PARN: variants seen among roughly 807,000 people sequenced by gnomAD.
PARN encodes the protein poly(A)-specific ribonuclease, also known as poly(A)-specific ribonuclease PARN.
In PARN, 71 loss-of-function variants were observed where a neutral mutation model predicts 102.8. That is an observed-to-expected ratio of 0.69 (90% confidence interval 0.57 to 0.84). The LOEUF is 0.84. PARN is among the 40% of genes least tolerant of loss of function. The pLI is 0.00. For missense variants in PARN, 782 were observed against 760.9 expected, an observed-to-expected ratio of 1.03 and a Z score of -0.33; for synonymous variants, 261 against 252.9, an observed-to-expected ratio of 1.03 and a Z score of -0.30.
At chr16:14,584,298 C>G (rs1282802655) in intron 16 of PARN, 49 bp downstream of exon 16, 1 of 1,288,674 alleles carries the variant, frequency 7.8e-7, no homozygotes. Context: ...CAATATACAT[C>G]AATAATTATT....
At chr16:14,549,410 C>T (rs1266691345) in intron 21 of PARN, among the ~76,000 whole-genome samples, 1 of 152,090 alleles carries the variant, frequency 6.6e-6, no homozygotes, top group African/African-American at 2.4e-5. Flanking sequence ...AAGAGGGACC[C>T]AACACTGCCC....
chr16:14,492,776 C>T (rs966811537), intron 21 of PARN, among the ~76,000 whole-genome samples: 12 of 152,162 alleles, frequency 7.9e-5, no homozygotes, highest in Non-Finnish European at 1.3e-4. Context: ...CCTACCCAAA[C>T]GGAAGCCACA....
At chr16:14,619,605 T>C (rs1045239198) in intron 5 of PARN, among the ~76,000 whole-genome samples, 1 of 150,678 alleles carries the variant, frequency 6.6e-6, no homozygotes, top group Non-Finnish European at 1.5e-5. Context: ...TACAAAAAAT[T>C]TAAAAATTAG....
chr16:14,494,642 G>A (rs571529372), intron 21 of PARN, among the ~76,000 whole-genome samples: 16 of 152,330 alleles, frequency 1.1e-4, no homozygotes, highest in East Asian at 7.7e-4. Context: ...AAGGGCCGGC[G>A]GTGCAGCCGG....
intron 19 of PARN, among the ~76,000 whole-genome samples, chr16:14,554,866 G>A (rs1967561271): frequency 2.6e-5 from 4 of 151,860 alleles, no homozygotes; most frequent in Non-Finnish European, 4.4e-5. Context: ...CAAATTAAAT[G>A]GACTAATTGT....
intron 8 of PARN, among the ~76,000 whole-genome samples, chr16:14,608,582 TAAAG>T (rs1310606077): frequency 6.6e-6 from 1 of 152,188 alleles, no homozygotes; most frequent in East Asian, 1.9e-4. Context: ...TGCAGCTGCA[TAAAG>T]AGAGCTTAAA....
intron 5 of PARN, among the ~76,000 whole-genome samples, chr16:14,618,094 G>A (rs1292130450): frequency 6.6e-6 from 1 of 152,140 alleles, no homozygotes. Flanking sequence ...GGCAGAGGTG[G>A]GCACATCACT....
At chr16:14,593,753 T>C (rs963695866) in intron 12 of PARN, among the ~76,000 whole-genome samples, 8 of 152,098 alleles carry the variant, frequency 5.3e-5, no homozygotes, top group Non-Finnish European at 7.4e-5. Context: ...TCCTACCACT[T>C]TGGGAGGTCA....
chr16:14,439,786 C>T (rs1427978646), intron 23 of PARN, among the ~76,000 whole-genome samples: 1 of 152,112 alleles, frequency 6.6e-6, no homozygotes, highest in African/African-American at 2.4e-5. Flanking sequence ...GAGGCTGAGG[C>T]CGGTGGATCA....
intron 12 of PARN, among the ~76,000 whole-genome samples, chr16:14,598,095 G>A (rs1051570030): frequency 6.6e-6 from 1 of 152,016 alleles, no homozygotes; most frequent in Non-Finnish European, 1.5e-5. Context: ...GGTGAGCCAG[G>A]ATTGCGCCAC....
chr16:14,602,522 C>T (rs1239454526), intron 11 of PARN, among the ~76,000 whole-genome samples: 1 of 152,132 alleles, frequency 6.6e-6, no homozygotes, highest in African/African-American at 2.4e-5. Context: ...CAGAATGGAA[C>T]ATCTTTTTCC....
chr16:14,478,411 G>A (rs1963192590), intron 22 of PARN, among the ~76,000 whole-genome samples: 1 of 152,178 alleles, frequency 6.6e-6, no homozygotes, highest in African/African-American at 2.4e-5. Flanking sequence ...TTGTGATGTT[G>A]AATGATTTCT....
intron 21 of PARN, among the ~76,000 whole-genome samples, chr16:14,510,790 C>T (rs1039545932): frequency 1.8e-4 from 27 of 152,202 alleles, no homozygotes; most frequent in Non-Finnish European, 4.0e-4. Flanking sequence ...GGTGTTTTGA[C>T]TTTGCCATGC....
At chr16:14,626,877 A>C (rs866599321) in intron 5 of PARN, among the ~76,000 whole-genome samples, 46 of 152,038 alleles carry the variant, frequency 3.0e-4, no homozygotes, top group Middle Eastern at 6.8e-3. Context: ...CCGGCCTCCC[A>C]AAGTGCTGGG....
chr16:14,569,464 G>C (rs1968652461), intron 18 of PARN, among the ~76,000 whole-genome samples: 1 of 152,086 alleles, frequency 6.6e-6, no homozygotes, highest in Admixed American at 6.5e-5. Flanking sequence ...CCGTCTGGTG[G>C]CATCAATCCA....
At position 14,630,228 on chromosome 16, in the gene PARN, G is replaced by A. The variant is rs1411712798; in HGVS notation, c.-103C>T. 7 of 1,048,934 alleles carry A rather than the reference G, an allele frequency of 6.7e-6. No individual in the cohort carries two copies. The highest frequency in any genetic ancestry group is 1.6e-5 in the African/African-American group (1 of 60,790). The allele number at this position is 1,048,934 out of a possible 1,614,324, so 65.0% of individuals were successfully genotyped here. On this transcript the variant is annotated 5_prime_UTR_variant, in exon 1 of 24. Coordinates refer to ENST00000437198, the MANE Select transcript of PARN (RefSeq NM_002582.4). Reference sequence around the variant, plus strand: ...GACTGCGGCAGTAGCTGAGGCAGCCGCAGCGGTGACGCCGGCCGCGACTTC... The same window carrying A: ...GACTGCGGCAGTAGCTGAGGCAGCCACAGCGGTGACGCCGGCCGCGACTTC...
At chr16:14,581,502 T>C (rs1009870249) in intron 17 of PARN, among the ~76,000 whole-genome samples, 14 of 152,138 alleles carry the variant, frequency 9.2e-5, no homozygotes, top group Non-Finnish European at 1.9e-4. Flanking sequence ...GAAATGGTAG[T>C]GCTATAGGTT....
At chr16:14,621,756 A>G (rs965944355) in intron 5 of PARN, among the ~76,000 whole-genome samples, 2 of 150,928 alleles carry the variant, frequency 1.3e-5, no homozygotes, top group African/African-American at 4.9e-5. Flanking sequence ...GCTTGCAGTG[A>G]GCCAAGATCG....
intron 21 of PARN, among the ~76,000 whole-genome samples, chr16:14,497,265 C>T (rs1173159860): frequency 1.3e-5 from 2 of 152,064 alleles, no homozygotes; most frequent in East Asian, 3.8e-4. Flanking sequence ...TCATTGACAC[C>T]CACCATTCAA....
Sources: gnomAD v4.1 joint callset for allele counts (sites outside exome capture counted in the v4.1 genomes callset) on GRCh38, gnomAD v4.1.1 for gene constraint, MANE v1.5 for transcripts, NCBI Gene and HGNC (gene_info 2026-07-23, HGNC 2026-07-21) for gene names.